RABGAP1L: variants seen among roughly 807,000 people sequenced by gnomAD.
RABGAP1L encodes the protein rab GTPase-activating protein 1-like.
A neutral mutation model predicts 137.7 loss-of-function variants in RABGAP1L; 63 were observed. The observed-to-expected ratio is 0.46, with a 90% CI of 0.37 to 0.56. RABGAP1L has a LOEUF of 0.56. Ranked by LOEUF, RABGAP1L falls within the 20% of genes least tolerant of loss-of-function variation. The pLI is 0.00. For synonymous variants in RABGAP1L, 431 were observed against 433.7 expected (o/e 0.99, Z 0.08); for missense variants, 1,095 against 1,244.0 (o/e 0.88, Z 1.80).
chr1:174,573,449 G>A (rs1020746489), intron 13 of RABGAP1L, among the ~76,000 whole-genome samples: 11 of 151,922 alleles, frequency 7.2e-5, no homozygotes, highest in Admixed American at 2.0e-4. Flanking sequence ...TTTGTATTGC[G>A]ATTATATAAG....
At chr1:174,756,409 C>T (rs576913336) in intron 18 of RABGAP1L, among the ~76,000 whole-genome samples, 3 of 152,240 alleles carry the variant, frequency 2.0e-5, no homozygotes, top group Admixed American at 2.0e-4. Flanking sequence ...CTCAGCCTCC[C>T]AAAGTGTTGG....
intron 12 of RABGAP1L, among the ~76,000 whole-genome samples, chr1:174,376,229 AGGAAAGAAGGAAGGAAGGAAG>A (rs1243054034): frequency 6.6e-5 from 10 of 151,282 alleles, no homozygotes; most frequent in Non-Finnish European, 1.5e-4. Flanking sequence ...AAGGAAGGAA[AGGAAAGAAGGAAGGAAGGAAG>A]GGAAAGAAGG....
At chr1:174,647,221 C>T (rs1675042442) in intron 14 of RABGAP1L, among the ~76,000 whole-genome samples, 1 of 152,108 alleles carries the variant, frequency 6.6e-6, no homozygotes, top group Admixed American at 6.5e-5. Context: ...CCTGATTTCC[C>T]TGGCCAGAAC....
chr1:174,750,570 G>T (rs1271407835), intron 17 of RABGAP1L, among the ~76,000 whole-genome samples: 2 of 152,192 alleles, frequency 1.3e-5, no homozygotes, highest in African/African-American at 4.8e-5. Context: ...GTTTGACAGG[G>T]AGGTTAAGAA....
At position 174,808,280 on chromosome 1, in the gene RABGAP1L, C is replaced by T. The variant is rs568143889; in HGVS notation, c.2212-3552C>T. The stretch of plus-strand genomic sequence containing the variant: ...GGGATTACAGGCATGAGCTACCGTG[C>T]CCAGCCAAAAAAGAATTCTTAAAAC... On this transcript the variant is annotated intron_variant, in intron 18 of 25. Transcript: ENST00000681986. Among the ~76,000 whole-genome samples the T allele has an allele frequency of 1.5e-4, 23 of 152,088 alleles. No individual in the cohort carries two copies. The East Asian group carries it at 3.9e-3, about 26-fold the overall frequency.
intron 11 of RABGAP1L, among the ~76,000 whole-genome samples, chr1:174,315,707 T>G (rs991702796): frequency 6.6e-6 from 1 of 151,956 alleles, no homozygotes; most frequent in African/African-American, 2.4e-5. Context: ...GGGAGTTTGA[T>G]TATCAAATGC....
rs1196164610 is a variant in RABGAP1L at position 174,234,488 on chromosome 1, T to C, written c.542+3133T>C. ...CCAGTTTCAGCTTCCTACATATGGC[T>C]ATCCAGTTTTCCCAGCACCATTTAT... On this transcript the variant is annotated intron_variant, in intron 4 of 25. Coordinates refer to ENST00000681986, the MANE Select transcript of RABGAP1L (RefSeq NM_001366446.1). Among the ~76,000 whole-genome samples, 4 of 146,310 alleles carry C rather than the reference T, an allele frequency of 2.7e-5. 1 individual carries two copies. The highest frequency in any genetic ancestry group is 5.9e-5 in the Non-Finnish European group (4 of 67,936).
chr1:174,812,833 A>G lies in RABGAP1L; in HGVS notation c.2340+873A>G, dbSNP rs146926173. ...AGTCAATGTGGACCTCACTGAGTCA[A>G]TGAAGGAGATGAGAGATTAGTCATG... On this transcript the variant is annotated intron_variant, in intron 19 of 25. Coordinates refer to ENST00000681986, the MANE Select transcript of RABGAP1L (RefSeq NM_001366446.1). Among the ~76,000 whole-genome samples the G allele has an allele frequency of 3.0e-3, 463 of 152,286 alleles. 1 individual carries two copies. Among genetic ancestry groups the G allele is most frequent in the Non-Finnish European group, 4.9e-3 (332 of 68,024 alleles).
rs543096991 is a variant in RABGAP1L at position 174,522,583 on chromosome 1, GAAA to G, written c.1711-114788_1711-114786del. ...GGGAGACGAGGGAAGGGAAAAAAAA[GAAA>G]AAAGAAAAGAGAAGAAAAATACCTG... On this transcript the variant is annotated intron_variant, in intron 13 of 25. Coordinates refer to ENST00000681986, the MANE Select transcript of RABGAP1L (RefSeq NM_001366446.1). Among the ~76,000 whole-genome samples, 23 of 152,038 alleles carry G rather than the reference GAAA, an allele frequency of 1.5e-4. No individual in the cohort carries two copies. In the South Asian group the frequency reaches 3.1e-3, roughly 21 times the overall value.
intron 1 of RABGAP1L, among the ~76,000 whole-genome samples, chr1:174,200,691 G>A (rs537172305): frequency 4.6e-5 from 7 of 152,150 alleles, no homozygotes; most frequent in Non-Finnish European, 1.0e-4. Context: ...TTCTGGGATT[G>A]AGATCATGTT....
intron 7 of RABGAP1L, among the ~76,000 whole-genome samples, chr1:174,256,175 T>A (rs1673107076): frequency 6.6e-6 from 1 of 152,226 alleles, no homozygotes. Flanking sequence ...TTCCACAGCC[T>A]TCCTCTGTCT....
intron 19 of RABGAP1L, among the ~76,000 whole-genome samples, chr1:174,902,600 G>T (rs1423579777): frequency 6.6e-6 from 1 of 152,212 alleles, no homozygotes; most frequent in Non-Finnish European, 1.5e-5. Context: ...ATAGCTCTGT[G>T]TATCAGACCC....
At chr1:174,207,450 C>G (rs1668586001) in intron 1 of RABGAP1L, among the ~76,000 whole-genome samples, 1 of 152,136 alleles carries the variant, frequency 6.6e-6, no homozygotes, top group Non-Finnish European at 1.5e-5. Context: ...TAATAGTAGA[C>G]TTAGTAAATT....
chr1:174,691,887 G>A (rs12563930), intron 15 of RABGAP1L, among the ~76,000 whole-genome samples: 16,254 of 152,070 alleles, frequency 0.11, 975 homozygotes, highest in East Asian at 0.22. Flanking sequence ...ACGTACTAAG[G>A]TGAAGTTTGA....
In RABGAP1L at chr1:174,561,432, C is replaced by A. The variant is rs1201630150; in HGVS notation, c.1711-75943C>A. ...CAGTATCGTGAAAATGGCCATACTGCCTAAAGTAATTTATAGATTCAATGT... is the reference window on the plus strand; with the variant it reads ...CAGTATCGTGAAAATGGCCATACTGACTAAAGTAATTTATAGATTCAATGT... On this transcript the variant is annotated intron_variant, in intron 13 of 25. Coordinates refer to ENST00000681986, the MANE Select transcript of RABGAP1L (RefSeq NM_001366446.1). Among the ~76,000 whole-genome samples, 3 of 152,144 alleles carry A rather than the reference C, an allele frequency of 2.0e-5. No individual in the cohort carries two copies. The East Asian group carries it at 5.8e-4, about 29-fold the overall frequency.
intron 19 of RABGAP1L, among the ~76,000 whole-genome samples, chr1:174,876,619 A>G (rs1341823711): frequency 6.6e-6 from 1 of 152,206 alleles, no homozygotes; most frequent in Non-Finnish European, 1.5e-5. Flanking sequence ...AGCTACCAAC[A>G]GTTAATGGCT....
intron 3 of RABGAP1L, among the ~76,000 whole-genome samples, chr1:174,225,494 CTTTTTTTT>C (rs59323156): frequency 2.8e-5 from 3 of 105,732 alleles, no homozygotes; most frequent in African/African-American, 1.0e-4. Context: ...AGAATGTTGA[CTTTTTTTT>C]TTTTTTTTTT....
chr1:174,951,196 C>G (rs561158423), intron 19 of RABGAP1L, among the ~76,000 whole-genome samples: 2 of 152,324 alleles, frequency 1.3e-5, no homozygotes, highest in Admixed American at 6.5e-5. Flanking sequence ...TAGATGATAA[C>G]TAGACACATA....
At chr1:174,438,516 G>A (rs538779576) in intron 13 of RABGAP1L, among the ~76,000 whole-genome samples, 55 of 151,874 alleles carry the variant, frequency 3.6e-4, no homozygotes, top group African/African-American at 1.3e-3. Flanking sequence ...TCAGGAGTTT[G>A]AGGCCAGCCT....
Sources: allele counts gnomAD v4.1 joint callset (sites outside exome capture counted in the v4.1 genomes callset), GRCh38; gene constraint gnomAD v4.1.1; transcripts MANE v1.5; gene names NCBI Gene and HGNC (gene_info 2026-07-23, HGNC 2026-07-21).